The following FAM178B variants were observed in gnomAD, a reference collection of about 807,000 sequenced individuals.
FAM178B encodes the protein protein FAM178B.
FAM178B carries 82 observed loss-of-function variants against 91.7 expected under a neutral mutation model. That is an observed-to-expected ratio of 0.89 (90% CI 0.75 to 1.07). FAM178B has a LOEUF of 1.07. FAM178B is among the 50% of genes least tolerant of loss of function. FAM178B has a pLI of 0.00. For synonymous variants in FAM178B, 368 were observed against 359.4 expected, an observed-to-expected ratio of 1.02 and a Z score of -0.27; for missense variants, 769 against 846.7, an observed-to-expected ratio of 0.91 and a Z score of 1.14.
At chr2:96,980,016 C>G (rs2082341237) in intron 1 of FAM178B, among the ~76,000 whole-genome samples, 1 of 152,066 alleles carries the variant, frequency 6.6e-6, no homozygotes, top group Non-Finnish European at 1.5e-5. Flanking sequence ...CTTGAGATTG[C>G]TGGTATCTTA....
chr2:96,925,141 C>T (rs947777398), intron 9 of FAM178B, among the ~76,000 whole-genome samples: 8 of 152,152 alleles, frequency 5.3e-5, no homozygotes, highest in Admixed American at 1.3e-4. Flanking sequence ...CAGCCTTGAG[C>T]GTGCAACACG....
intron 1 of FAM178B, among the ~76,000 whole-genome samples, chr2:96,978,612 A>G (rs2082321403): frequency 6.8e-6 from 1 of 146,268 alleles, no homozygotes; most frequent in African/African-American, 2.5e-5. Flanking sequence ...TGTTGCTACA[A>G]GAGATATGAT....
At chr2:96,958,121 T>G (rs909937855) in intron 6 of FAM178B, among the ~76,000 whole-genome samples, 1 of 147,492 alleles carries the variant, frequency 6.8e-6, no homozygotes, top group Non-Finnish European at 1.5e-5. Flanking sequence ...TAGGCTGGAG[T>G]GCAGTGGCAC....
At chr2:96,970,832 G>T in intron 3 of FAM178B, 55 bp from the exon 4 acceptor site, 1 of 1,235,748 alleles carries the variant, frequency 8.1e-7, no homozygotes, top group Non-Finnish European at 1.1e-6. Context: ...AGATAGAGGA[G>T]AAAAAAGAAA....
chr2:96,971,396 C>A (rs1282943049), intron 3 of FAM178B, among the ~76,000 whole-genome samples: 1 of 151,908 alleles, frequency 6.6e-6, no homozygotes, highest in Non-Finnish European at 1.5e-5. Flanking sequence ...AGCTGAAACC[C>A]ATTCTTAGAA....
intron 15 of FAM178B, 35 bp from the exon 16 acceptor site, chr2:96,878,077 A>G (rs1451825716): frequency 6.3e-7 from 1 of 1,599,734 alleles, no homozygotes; most frequent in African/African-American, 1.3e-5. Flanking sequence ...AAGCGGGTGT[A>G]GCACAAGCCA....
At chr2:96,981,945 G>A (rs550658986) in intron 1 of FAM178B, among the ~76,000 whole-genome samples, 5 of 151,924 alleles carry the variant, frequency 3.3e-5, no homozygotes, top group Non-Finnish European at 5.9e-5. Context: ...GTGTGCACCT[G>A]CAGTACCAGC....
At chr2:96,905,497 C>T (rs1323402322) in intron 12 of FAM178B, among the ~76,000 whole-genome samples, 2 of 146,518 alleles carry the variant, frequency 1.4e-5, no homozygotes, top group Admixed American at 7.0e-5. Flanking sequence ...GCAGAGGTTG[C>T]AGTGAGCAGA....
At chr2:96,958,697 TAAAAAAAAAAAAAAAAAAAA>T (rs55924441) in intron 6 of FAM178B, among the ~76,000 whole-genome samples, 5 of 55,506 alleles carry the variant, frequency 9.0e-5, no homozygotes, top group East Asian at 1.7e-3. Context: ...CTCAAAATAC[TAAAAAAAAAAAAAAAAAAAA>T]AAAAAAAAAA....
chr2:96,951,349 G>A (rs1289843697), intron 7 of FAM178B, 30 bp downstream of exon 7: 20 of 1,505,934 alleles, frequency 1.3e-5, no homozygotes, highest in Non-Finnish European at 1.6e-5. Context: ...CAGCGCTCCC[G>A]CCACCTAGTG....
chr2:96,968,264 G>A (rs1455243768), intron 4 of FAM178B, among the ~76,000 whole-genome samples: 2 of 151,874 alleles, frequency 1.3e-5, no homozygotes, highest in African/African-American at 2.4e-5. Context: ...TTAGCCTTCC[G>A]GCCTCACTCC....
intron 7 of FAM178B, chr2:96,949,927 T>C (rs2081896087): frequency 4.2e-6 from 4 of 960,526 alleles, no homozygotes; most frequent in Non-Finnish European, 5.0e-6. Context: ...GAAACCTGTC[T>C]GTAGCGACAC....
intron 5 of FAM178B, among the ~76,000 whole-genome samples, chr2:96,967,061 G>A (rs1051183095): frequency 5.3e-5 from 8 of 152,220 alleles, no homozygotes; most frequent in Admixed American, 2.0e-4. Flanking sequence ...CTGATGCTCC[G>A]AAGTAGAGAT....
In FAM178B at chr2:96,876,217, C is replaced by A; in HGVS notation, c.*59G>T. The stretch of plus-strand genomic sequence containing the variant: ...TTGATGCTTCGCTTCCTCCAGTTCC[C>A]TGAGCCTGTTCACTTCCTGCTGAAG... On this transcript the variant is annotated 3_prime_UTR_variant, in exon 17 of 17. Transcript: ENST00000490605. The A allele has an allele frequency of 6.4e-7, 1 of 1,560,084 alleles. No homozygotes were observed. Among genetic ancestry groups the A allele is most frequent in the South Asian group, 1.2e-5 (1 of 85,998 alleles).
intron 6 of FAM178B, 78 bp downstream of exon 6, chr2:96,960,210 G>A (rs2082059504): frequency 6.7e-7 from 1 of 1,482,364 alleles, no homozygotes; most frequent in African/African-American, 1.4e-5. Context: ...CTTTGGGGTG[G>A]CCCTTATCCC....
intron 6 of FAM178B, among the ~76,000 whole-genome samples, chr2:96,953,121 G>A (rs2081952561): frequency 6.6e-6 from 1 of 152,174 alleles, no homozygotes; most frequent in Non-Finnish European, 1.5e-5. Context: ...CTTTGTTCCT[G>A]TGGTTGTGAA....
chr2:96,937,627 G>A (rs1315090101), intron 8 of FAM178B, among the ~76,000 whole-genome samples: 2 of 152,196 alleles, frequency 1.3e-5, no homozygotes, highest in East Asian at 1.9e-4. Flanking sequence ...GGACACAGAC[G>A]TCATACTTTT....
chr2:96,900,465 G>A (rs1239728443), intron 13 of FAM178B, among the ~76,000 whole-genome samples: 1 of 152,198 alleles, frequency 6.6e-6, no homozygotes, highest in Non-Finnish European at 1.5e-5. Context: ...GGGGCAGCAG[G>A]GGCCAGAAAC....
intron 13 of FAM178B, among the ~76,000 whole-genome samples, chr2:96,899,231 C>T (rs1377025455): frequency 6.6e-6 from 1 of 152,238 alleles, no homozygotes; most frequent in East Asian, 1.9e-4. Flanking sequence ...CAAGCACTGA[C>T]TCAGCCTCCA....
Sources: gnomAD v4.1 joint callset for allele counts (sites outside exome capture counted in the v4.1 genomes callset) on GRCh38, gnomAD v4.1.1 for gene constraint, MANE v1.5 for transcripts, NCBI Gene and HGNC (gene_info 2026-07-23, HGNC 2026-07-21) for gene names.